The following ELFN1 variants were observed in gnomAD, a reference collection of about 807,000 sequenced individuals.
ELFN1 encodes extracellular leucine rich repeat and fibronectin type III domain containing 1.
A neutral mutation model predicts 7.6 loss-of-function variants in ELFN1; 6 were observed. The ratio of observed to expected loss-of-function variants is 0.79; its 90% CI spans 0.43 to 1.56. The LOEUF is 1.56. Ranked by LOEUF, ELFN1 falls within the 40% of genes most tolerant of loss-of-function variation. ELFN1 has a pLI of 0.01. For missense variants in ELFN1, 1,169 were observed against 1,232.2 expected, an observed-to-expected ratio of 0.95 and a Z score of 0.77; for synonymous variants, 657 against 588.1, an observed-to-expected ratio of 1.12 and a Z score of -1.70.
chr7:1,743,936 G>A (rs1402964526), intron 3 of ELFN1, among the ~76,000 whole-genome samples: 1 of 152,174 alleles, frequency 6.6e-6, no homozygotes, highest in Middle Eastern at 3.2e-3. Flanking sequence ...TTATCCGACC[G>A]GGGTTGCGCC....
intron 2 of ELFN1, among the ~76,000 whole-genome samples, chr7:1,704,204 T>C (rs1779484092): frequency 6.6e-6 from 1 of 152,166 alleles, no homozygotes; most frequent in Non-Finnish European, 1.5e-5. Context: ...TGGTGGCCTC[T>C]GGGTGGGGGA....
intron 3 of ELFN1, among the ~76,000 whole-genome samples, chr7:1,726,017 C>T (rs1165235786): frequency 6.6e-6 from 1 of 152,038 alleles, no homozygotes; most frequent in African/African-American, 2.4e-5. Context: ...CACACTCACA[C>T]GCAAATACAC....
At chr7:1,672,419 G>A (rs1014100146) in intron 1 of ELFN1, among the ~76,000 whole-genome samples, 9 of 151,812 alleles carry the variant, frequency 5.9e-5, no homozygotes, top group Non-Finnish European at 1.0e-4. Flanking sequence ...CCCAGCAAGC[G>A]CCCAGGGCCA....
intron 2 of ELFN1, among the ~76,000 whole-genome samples, chr7:1,707,768 T>C (rs1008504322): frequency 6.6e-6 from 1 of 152,230 alleles, no homozygotes; most frequent in Non-Finnish European, 1.5e-5. Context: ...TTTTTGGTTA[T>C]TTACATCTGC....
intron 3 of ELFN1, among the ~76,000 whole-genome samples, chr7:1,717,510 CAG>C (rs1779871010): frequency 6.6e-6 from 1 of 152,178 alleles, no homozygotes; most frequent in African/African-American, 2.4e-5. Context: ...GTGCTCCACT[CAG>C]AGGAAGGTGC....
intron 3 of ELFN1, among the ~76,000 whole-genome samples, chr7:1,709,635 G>C (rs544698933): frequency 1.3e-5 from 2 of 152,364 alleles, no homozygotes; most frequent in South Asian, 4.1e-4. Context: ...ATATGGTCCA[G>C]TGTTTGAGCG....
chr7:1,744,280 G>A (rs66528717), intron 3 of ELFN1, 24 bp from the exon 4 acceptor site: 6,075 of 357,982 alleles, frequency 0.017, 163 homozygotes, highest in African/African-American at 0.08. Flanking sequence ...TCCCCTGACC[G>A]CTGTCTTCTC....
rs945667893 is a variant in ELFN1 at position 1,704,295 on chromosome 7, C to A, written c.-455-4796C>A. ...ATGGAGGCCATACTCTCCCCCTCCT[C>A]ACCCCAAAACTGGGCTGTGGGGAAT... On this transcript the variant is annotated intron_variant, in intron 2 of 3. Coordinates refer to ENST00000424383, the MANE Select transcript of ELFN1 (RefSeq NM_001128636.4). 2.0e-5 allele frequency among the ~76,000 whole-genome samples: 3 copies of A among 152,180 alleles called. No homozygotes were observed. The East Asian group carries it at 5.8e-4, about 29-fold the overall frequency.
chr7:1,682,498 C>T (rs1431643825), intron 1 of ELFN1, among the ~76,000 whole-genome samples: 4 of 151,960 alleles, frequency 2.6e-5, no homozygotes, highest in South Asian at 2.1e-4. Flanking sequence ...TGGAGTGCAG[C>T]GGTATGATCA....
intron 1 of ELFN1, among the ~76,000 whole-genome samples, chr7:1,682,209 TC>T (rs2128577035): frequency 6.6e-6 from 1 of 152,342 alleles, no homozygotes; most frequent in East Asian, 1.9e-4. Flanking sequence ...AAAGATTTCT[TC>T]CGTTTTCTTC....
chr7:1,674,918 C>G (rs1030718787), intron 1 of ELFN1, among the ~76,000 whole-genome samples: 1 of 141,770 alleles, frequency 7.1e-6, no homozygotes, highest in African/African-American at 2.8e-5. Flanking sequence ...CCAATTCAAT[C>G]TCTGAATTTT....
At chr7:1,733,592 C>T (rs902144224) in intron 3 of ELFN1, among the ~76,000 whole-genome samples, 3 of 152,092 alleles carry the variant, frequency 2.0e-5, no homozygotes, top group African/African-American at 4.8e-5. Flanking sequence ...CTGCCTGGGG[C>T]GGCCGCATCC....
rs193100105 is a variant in ELFN1 at position 1,731,807 on chromosome 7, G to A, written c.-293-12497G>A. Among the ~76,000 whole-genome samples the A allele has an allele frequency of 1.5e-3, 229 of 152,232 alleles. 1 individual carries two copies. Among genetic ancestry groups the A allele is most frequent in the African/African-American group, 5.2e-3 (217 of 41,556 alleles). On this transcript the variant is annotated intron_variant, in intron 3 of 3. Coordinates refer to ENST00000424383, the MANE Select transcript of ELFN1 (RefSeq NM_001128636.4). ...TGGGATTACAGGCCCCCACCACCAC[G>A]CCTGGCTAATTTTTGTATTTTTAGT... is the stretch of plus-strand genomic sequence containing the variant.
In ELFN1 at chr7:1,673,392, C is replaced by T. The variant is rs1483704107; in HGVS notation, c.-549+3038C>T. ...TTGGTCGTTGGGGGCTGCTGCCTCCCTTCACCCCTGTGCACCCTGAGCCAG... is the reference window on the plus strand; with the variant it reads ...TTGGTCGTTGGGGGCTGCTGCCTCCTTTCACCCCTGTGCACCCTGAGCCAG... On this transcript the variant is annotated intron_variant, in intron 1 of 3. Coordinates refer to ENST00000424383, the MANE Select transcript of ELFN1 (RefSeq NM_001128636.4). The surrounding 1 kb of genome is among the most constrained non-coding windows in gnomAD (Gnocchi z 4.7). 6.6e-6 allele frequency among the ~76,000 whole-genome samples: 1 copy of T among 152,144 alleles called. No individual in the cohort carries two copies. Among genetic ancestry groups the T allele is most frequent in the Non-Finnish European group, 1.5e-5 (1 of 68,018 alleles).
chr7:1,704,723 G>A (rs1779496406), intron 2 of ELFN1, among the ~76,000 whole-genome samples: 1 of 152,028 alleles, frequency 6.6e-6, no homozygotes, highest in Non-Finnish European at 1.5e-5. Context: ...TGCCAGGTCT[G>A]GGCACCCCTC....
chr7:1,697,979 G>A (rs1037214141), intron 2 of ELFN1, among the ~76,000 whole-genome samples: 2 of 152,202 alleles, frequency 1.3e-5, no homozygotes, highest in African/African-American at 4.8e-5. Context: ...CCGCAGAGCC[G>A]GCCGGCGGGC....
Position 1,746,047 on chromosome 7 carries a change from C to G in ELFN1, c.1451C>G (p.Ser484Cys). The change falls in exon 4 of 4, where the codon TCC (serine) becomes TGC (cysteine). Residue 484 changes from serine to cysteine, a missense_variant. Transcript: ENST00000424383. ...GAGGCGCCCGGCCTGGCCCCGCTGT[C>G]CCAGGGCCCGCTGCTGGGCCCCGAG... ...ELEAPGLAPL[S>C]QGPLLGPEAV... 1.3e-6 allele frequency: 2 copies of G among 1,546,856 alleles called. No homozygotes were observed. Among genetic ancestry groups the G allele is most frequent in the Non-Finnish European group, 1.7e-6 (2 of 1,145,090 alleles).
upstream of ELFN1, among the ~76,000 whole-genome samples, chr7:1,669,788 T>G (rs950729925): frequency 1.3e-5 from 2 of 152,132 alleles, no homozygotes; most frequent in Non-Finnish European, 2.9e-5. Context: ...CGGGAGGACC[T>G]GAGAACGCCT....
intron 1 of ELFN1, among the ~76,000 whole-genome samples, chr7:1,685,062 CTCTTGATCTGTAATGTTT>C (rs1167583445): frequency 6.6e-6 from 1 of 152,122 alleles, no homozygotes; most frequent in Non-Finnish European, 1.5e-5. Context: ...CTTTCAGTTT[CTCTTGATCTGTAATGTTT>C]TTAGTTTGCT....
Sources: allele counts gnomAD v4.1 joint callset (sites outside exome capture counted in the v4.1 genomes callset), GRCh38; gene constraint gnomAD v4.1.1; non-coding constraint Gnocchi (gnomAD v3.1); transcripts MANE v1.5; gene names NCBI Gene and HGNC (gene_info 2026-07-23, HGNC 2026-07-21).